Variants in OS9 observed in about 807,000 individuals in gnomAD.
The protein encoded by OS9 is OS9 endoplasmic reticulum lectin.
In OS9, 58 loss-of-function variants were observed where a neutral mutation model predicts 84.7. The observed-to-expected ratio is 0.68, with a 90% CI of 0.55 to 0.85. The LOEUF (loss-of-function observed/expected upper bound fraction) is 0.85, where lower values mean the gene tolerates loss of function less well. Among genes scored for constraint, OS9 ranks in the 40% least tolerant of loss-of-function variants. The probability of loss-of-function intolerance (pLI) is 0.00; values close to 1 mark genes in which losing one functional copy is unlikely to be tolerated. For synonymous variants in OS9, 278 were observed against 320.8 expected, an observed-to-expected ratio of 0.87 and a Z score of 1.43; for missense variants, 760 against 850.9, an observed-to-expected ratio of 0.89 and a Z score of 1.33.
intron 5 of OS9, among the ~76,000 whole-genome samples, chr12:57,705,666 C>T (rs1449317245): frequency 3.3e-5 from 5 of 152,108 alleles, no homozygotes; most frequent in African/African-American, 4.8e-5. Flanking sequence ...GCTGGGATTA[C>T]AGGTGCGTAC....
At chr12:57,695,144 A>T (rs1410062244) in intron 2 of OS9, 1 of 570,922 alleles carries the variant, frequency 1.8e-6, no homozygotes, top group Non-Finnish European at 3.1e-6. Context: ...AGAAGATCTC[A>T]GAAAAGGGCT....
At chr12:57,715,998 C>T (rs770778536) in intron 6 of OS9, 28 bp downstream of exon 6, 21 of 1,600,918 alleles carry the variant, frequency 1.3e-5, no homozygotes, top group Admixed American at 5.0e-5. Context: ...GAGGAGAAGA[C>T]GGGGAGATAC....
At chr12:57,716,871 G>T in intron 9 of OS9, 127 bp downstream of exon 9, 1 of 780,280 alleles carries the variant, frequency 1.3e-6, no homozygotes, top group Non-Finnish European at 2.2e-6. Context: ...CATTTTTATA[G>T]GAGTTAATAC....
intron 9 of OS9, 68 bp downstream of exon 9, chr12:57,716,812 G>A: frequency 7.0e-7 from 1 of 1,434,666 alleles, no homozygotes; most frequent in Non-Finnish European, 9.8e-7. Flanking sequence ...GGATGGAGGG[G>A]AGAGCTAAGC....
intron 5 of OS9, among the ~76,000 whole-genome samples, chr12:57,712,934 G>A (rs1367923689): frequency 6.6e-6 from 1 of 151,960 alleles, no homozygotes; most frequent in Non-Finnish European, 1.5e-5. Flanking sequence ...CAGCTGTTAG[G>A]CTCCATTCAT....
At position 57,716,281 on chromosome 12, in the gene OS9, G is replaced by GA. The variant is rs148348804; in HGVS notation, c.892+88_892+89insA. On this transcript the variant is annotated intron_variant, in intron 7 of 14. Coordinates refer to ENST00000315970, the MANE Select transcript of OS9 (RefSeq NM_006812.4). ...ACTGTCCTGACTGACTGGTGGGGTG[G>GA]GGGGGGGTGGAAAAGTACCATGGGC... 165 of 771,366 alleles carry GA rather than the reference G, an allele frequency of 2.1e-4. 3 individuals are homozygous for GA. The highest frequency in any genetic ancestry group is 5.0e-4 in the South Asian group (34 of 67,496). 47.8% of individuals were successfully genotyped at this position (771,366 alleles called of 1,614,324 possible).
chr12:57,720,995 C>T lies in OS9; in HGVS notation c.*86C>T. On this transcript the variant is annotated 3_prime_UTR_variant, in exon 15 of 15. Coordinates refer to ENST00000315970, the MANE Select transcript of OS9 (RefSeq NM_006812.4). The stretch of plus-strand genomic sequence containing the variant: ...TCCCCACCTCCCCACCCTGGAACCC[C>T]TGAGGGCCAAACAGCAGAGTGGAGC... 1 of 1,500,158 alleles carries T rather than the reference C, an allele frequency of 6.7e-7. No homozygotes were observed. Among genetic ancestry groups the T allele is most frequent in the Non-Finnish European group, 9.2e-7 (1 of 1,084,676 alleles). 92.9% of individuals were successfully genotyped at this position (1,500,158 alleles called of 1,614,324 possible).
At chr12:57,695,176 G>T in intron 2 of OS9, 1 of 528,910 alleles carries the variant, frequency 1.9e-6, no homozygotes, top group Non-Finnish European at 3.4e-6. Flanking sequence ...GAGGGTCTGC[G>T]TGGGGTAGGA....
chr12:57,696,347 G>A lies in OS9; in HGVS notation c.553G>A (p.Gly185Arg). The A allele has an allele frequency of 2.5e-6, 4 of 1,610,460 alleles. No individual in the cohort carries two copies. Among genetic ancestry groups the A allele is most frequent in the Non-Finnish European group, 3.4e-6 (4 of 1,177,868 alleles). ...CAATGGGTCCAAGTGCGACCTTAAT[G>A]GGAGGCCCCGGGAGGCCGAGGTTCG... Reference protein sequence around the residue: ...YGNGSKCDLNGRPREAEVRFL... With the variant: ...YGNGSKCDLNRRPREAEVRFL... The change falls in exon 5 of 15, where the codon GGG (glycine) becomes AGG (arginine). Residue 185 changes from glycine (G) to arginine (R), a missense_variant. Transcript: ENST00000315970.
chr12:57,705,232 T>C (rs1386146090), intron 5 of OS9, among the ~76,000 whole-genome samples: 1 of 152,222 alleles, frequency 6.6e-6, no homozygotes, highest in Non-Finnish European at 1.5e-5. Context: ...CCAAGTTCTG[T>C]TAAAACTCCT....
chr12:57,701,569 CCT>C (rs1051846942), intron 5 of OS9, among the ~76,000 whole-genome samples: 5 of 151,986 alleles, frequency 3.3e-5, no homozygotes, highest in Middle Eastern at 3.4e-3. Context: ...AGCCACCGTG[CCT>C]GGCCTGGTTG....
intron 5 of OS9, among the ~76,000 whole-genome samples, chr12:57,697,348 A>G (rs1953878242): frequency 6.6e-6 from 1 of 152,252 alleles, no homozygotes; most frequent in Non-Finnish European, 1.5e-5. Context: ...TCTGCCTTGC[A>G]CAAAGGCTAA....
At chr12:57,694,482 C>T (rs768618705) in intron 1 of OS9, among the ~76,000 whole-genome samples, 159 bp downstream of exon 1, 7 of 152,066 alleles carry the variant, frequency 4.6e-5, no homozygotes, top group Non-Finnish European at 8.8e-5. Flanking sequence ...AGACTGAGAC[C>T]AATTCTCTGG....
intron 4 of OS9, 118 bp downstream of exon 4, chr12:57,696,156 CA>C: frequency 5.7e-6 from 7 of 1,227,950 alleles, no homozygotes; most frequent in Middle Eastern, 2.0e-4. Flanking sequence ...GCCATTAGGA[CA>C]AAGTTTCCTG....
chr12:57,709,127 A>G (rs142102318), intron 5 of OS9, among the ~76,000 whole-genome samples: 10 of 152,060 alleles, frequency 6.6e-5, no homozygotes, highest in South Asian at 2.1e-4. Context: ...CAGCTGTCCA[A>G]ATTCTTTGCT....
At chr12:57,716,287 G>GC (rs1256078313) in intron 7 of OS9, 94 bp downstream of exon 7, 8 of 744,946 alleles carry the variant, frequency 1.1e-5, no homozygotes, top group Non-Finnish European at 1.6e-5. Flanking sequence ...GGTGGGGGGG[G>GC]GTGGAAAAGT....
rs145959286 is a variant in OS9 at position 57,720,119 on chromosome 12, G to A, written c.1621G>A (p.Val541Ile). The A allele has an allele frequency of 1.2e-5, 19 of 1,613,998 alleles. No individual in the cohort carries two copies. The African/African-American group carries it at 2.0e-4, about 17-fold the overall frequency. ...QPTEEDPEHRVRVRVTKLRLG... is the reference protein window; with the variant it reads ...QPTEEDPEHRIRVRVTKLRLG... Reference sequence around the variant, plus strand: ...CTAAGAGGAGGATCCTGAGCACAGAGTCCGGGTCCGGGTCACCAAGCTCCG... The same window carrying A: ...CTAAGAGGAGGATCCTGAGCACAGAATCCGGGTCCGGGTCACCAAGCTCCG... The change falls in exon 13 of 15, where the codon GTC becomes ATC. Residue 541 changes from valine to isoleucine, a missense_variant. Val to Ile is a conservative substitution (Grantham distance 29, BLOSUM62 3). Transcript: ENST00000315970.
chr12:57,716,157 G>A lies in OS9; in HGVS notation c.856G>A (p.Glu286Lys), dbSNP rs534616491. 40 of 1,612,818 alleles carry A rather than the reference G, an allele frequency of 2.5e-5. No homozygotes were observed. In the South Asian group the frequency reaches 4.3e-4, roughly 17 times the overall value. Residue 286 changes from glutamate (E) to lysine (K), a missense_variant, in exon 7 of 15, where the codon GAG (glutamate) becomes AAG (lysine). By Grantham distance (56) the Glu-to-Lys change is moderately conservative (BLOSUM62 1). Coordinates refer to ENST00000315970, the MANE Select transcript of OS9 (RefSeq NM_006812.4). ...LQDLGPQVWSETKSGVAPQKM... is the reference protein window; with the variant it reads ...LQDLGPQVWSKTKSGVAPQKM... Reference sequence around the variant, plus strand: ...AGATCTAGGCCCCCAAGTGTGGAGTGAGACCAAGTCTGGGGTGGCACCCCA... The same window carrying A: ...AGATCTAGGCCCCCAAGTGTGGAGTAAGACCAAGTCTGGGGTGGCACCCCA...
Position 57,720,848 on chromosome 12 carries a change from G to A in OS9, c.1943G>A (p.Arg648His), listed in dbSNP as rs376311574. Residue 648 changes from arginine (R) to histidine (H), a missense_variant, in exon 15 of 15, where the codon CGC becomes CAC. Coordinates refer to ENST00000315970, the MANE Select transcript of OS9 (RefSeq NM_006812.4). ...CAGAAAGAGCTGGAGAGCAATTACC[G>A]CCGGGTGTGGGGCTCTCCAGGTGGG... ...QRQKELESNY[R>H]RVWGSPGGEG... 26 of 1,613,872 alleles carry A rather than the reference G, an allele frequency of 1.6e-5. No individual in the cohort carries two copies. Among genetic ancestry groups the A allele is most frequent in the East Asian group, 6.7e-5 (3 of 44,888 alleles).
Sources: allele counts gnomAD v4.1 joint callset (sites outside exome capture counted in the v4.1 genomes callset), GRCh38; gene constraint gnomAD v4.1.1; transcripts MANE v1.5; gene names NCBI Gene and HGNC (gene_info 2026-07-23, HGNC 2026-07-21).